Variants in SYT16 observed in about 807,000 individuals in gnomAD.
SYT16 encodes the protein synaptotagmin 16.
A neutral mutation model predicts 61.4 loss-of-function variants in SYT16; 42 were observed. The observed-to-expected ratio is 0.68, with a 90% CI of 0.53 to 0.89. The LOEUF (loss-of-function observed/expected upper bound fraction) is 0.89, where lower values mean the gene tolerates loss of function less well. Among genes scored for constraint, SYT16 ranks in the 40% least tolerant of loss-of-function variants. SYT16 has a pLI of 0.00. For missense variants in SYT16, 804 were observed against 807.3 expected, an observed-to-expected ratio of 1.00 and a Z score of 0.05; for synonymous variants, 314 against 302.3, an observed-to-expected ratio of 1.04 and a Z score of -0.40.
intron 1 of SYT16, among the ~76,000 whole-genome samples, chr14:61,912,293 G>C (rs1239558846): frequency 6.6e-6 from 1 of 152,182 alleles, no homozygotes; most frequent in Non-Finnish European, 1.5e-5. Flanking sequence ...AAAATCAGAG[G>C]ATAGGATAGG....
intron 2 of SYT16, among the ~76,000 whole-genome samples, chr14:61,980,019 C>A (rs1595071599): frequency 6.6e-6 from 1 of 152,198 alleles, no homozygotes; most frequent in East Asian, 1.9e-4. Context: ...ATATCTTCTA[C>A]ATTCCCCAAG....
At chr14:62,056,899 A>G (rs2055583293) in intron 3 of SYT16, among the ~76,000 whole-genome samples, 1 of 152,168 alleles carries the variant, frequency 6.6e-6, no homozygotes, top group Non-Finnish European at 1.5e-5. Context: ...CGCGGCGCCC[A>G]AGGGTCAGCG....
intron 2 of SYT16, among the ~76,000 whole-genome samples, chr14:61,992,327 C>G (rs2052584783): frequency 6.6e-6 from 1 of 152,110 alleles, no homozygotes; most frequent in Admixed American, 6.6e-5. Context: ...GAGACTGGCA[C>G]ATAGGACTTT....
At position 61,866,621 on chromosome 14, in the gene SYT16, CTTA is replaced by C. The variant is rs138095687; in HGVS notation, c.-325+53817_-325+53819del. On this transcript the variant is annotated intron_variant, in intron 1 of 7. Coordinates refer to ENST00000683842, the MANE Select transcript of SYT16 (RefSeq NM_001367656.1). ...TTGTTCATTTAAAAATTATGTTTGT[CTTA>C]TTATTGCATTATGAGGGTTCTTTAG... Among the ~76,000 whole-genome samples the C allele has an allele frequency of 5.4e-3, 818 of 151,958 alleles. 3 individuals are homozygous for C. Among genetic ancestry groups the C allele is most frequent in the Non-Finnish European group, 9.1e-3 (619 of 67,876 alleles).
intron 1 of SYT16, among the ~76,000 whole-genome samples, chr14:61,932,385 A>C (rs1014766688): frequency 6.6e-6 from 1 of 152,198 alleles, no homozygotes; most frequent in Non-Finnish European, 1.5e-5. Flanking sequence ...AAAGAGGTTT[A>C]ATTTCCCACA....
intron 3 of SYT16, among the ~76,000 whole-genome samples, chr14:62,063,405 T>C (rs1017657151): frequency 6.6e-6 from 1 of 152,232 alleles, no homozygotes; most frequent in African/African-American, 2.4e-5. Context: ...GCCAGACATA[T>C]GCTAAGGCCT....
chr14:61,900,378 G>A (rs765235426), intron 1 of SYT16, among the ~76,000 whole-genome samples: 10 of 152,044 alleles, frequency 6.6e-5, no homozygotes, highest in Non-Finnish European at 1.5e-4. Flanking sequence ...GGCTGGTCTC[G>A]AACTCCTGAC....
chr14:61,912,286 A>C (rs1185332299), intron 1 of SYT16, among the ~76,000 whole-genome samples: 1 of 152,226 alleles, frequency 6.6e-6, no homozygotes. Flanking sequence ...TCTTTAAAAA[A>C]TCAGAGGATA....
chr14:62,081,092 G>A lies in SYT16; in HGVS notation c.1252G>A (p.Val418Ile), dbSNP rs1663762941. 5 of 1,613,840 alleles carry A rather than the reference G, an allele frequency of 3.1e-6. No homozygotes were observed. The highest frequency in any genetic ancestry group is 2.2e-5 in the South Asian group (2 of 91,022). Residue 418 changes from valine (V) to isoleucine (I), a missense_variant, in exon 6 of 8, where the codon GTC (valine) becomes ATC (isoleucine). Transcript: ENST00000683842. ...GCCCAACCCCGTCTTCAGGGAGAAG[G>A]TCACCTTTGCCAAGCTGGAGCCCAG... Reference protein sequence around the residue: ...RGPNPVFREKVTFAKLEPRDV... With the variant: ...RGPNPVFREKITFAKLEPRDV...
chr14:62,020,641 G>A lies in SYT16; in HGVS notation c.523+24099G>A, dbSNP rs531061320. Among the ~76,000 whole-genome samples, 11 of 152,344 alleles carry A rather than the reference G, an allele frequency of 7.2e-5. No individual in the cohort carries two copies. The South Asian group carries it at 2.3e-3, about 32-fold the overall frequency. On this transcript the variant is annotated intron_variant, in intron 3 of 7. Coordinates refer to ENST00000683842, the MANE Select transcript of SYT16 (RefSeq NM_001367656.1). ...TCCAATTCGTTTTCACCAGCCAGCA[G>A]TGGGCTCTTTCCACCTGGTTCTGAC... is the stretch of plus-strand genomic sequence containing the variant.
rs139777078 is a variant in SYT16, at chr14:62,082,131, C to T, written c.1434+857C>T. Among the ~76,000 whole-genome samples, 712 of 152,146 alleles carry T rather than the reference C, an allele frequency of 4.7e-3. 6 individuals carry two copies. Among genetic ancestry groups the T allele is most frequent in the African/African-American group, 0.016 (669 of 41,510 alleles). The stretch of plus-strand genomic sequence containing the variant: ...AACTCAAAGCATCGAGAGAGCGAGG[C>T]TGGTGCTGTGAGGAGGATGAGAGTT... On this transcript the variant is annotated intron_variant, in intron 6 of 7. Coordinates refer to ENST00000683842, the MANE Select transcript of SYT16 (RefSeq NM_001367656.1).
chr14:62,051,768 G>A (rs1182521050), intron 3 of SYT16, among the ~76,000 whole-genome samples: 1 of 152,176 alleles, frequency 6.6e-6, no homozygotes, highest in Admixed American at 6.5e-5. Context: ...GCTGGGCATG[G>A]TGGCTGTATT....
chr14:62,013,406 G>C (rs1393751212), intron 3 of SYT16, among the ~76,000 whole-genome samples: 1 of 152,112 alleles, frequency 6.6e-6, no homozygotes, highest in African/African-American at 2.4e-5. Flanking sequence ...AAAAATTCCT[G>C]GGCATTATGG....
intron 1 of SYT16, among the ~76,000 whole-genome samples, chr14:61,906,154 T>C (rs777484754): frequency 6.6e-6 from 1 of 152,114 alleles, no homozygotes; most frequent in Non-Finnish European, 1.5e-5. Flanking sequence ...TTTAAAACAG[T>C]AGGTTTTGAT....
chr14:61,857,115 G>T (rs904667531), intron 1 of SYT16, among the ~76,000 whole-genome samples: 4 of 151,954 alleles, frequency 2.6e-5, no homozygotes, highest in Non-Finnish European at 4.4e-5. Flanking sequence ...AGCCAATAAA[G>T]GGTGTGTTAT....
intron 1 of SYT16, among the ~76,000 whole-genome samples, chr14:61,902,080 A>G (rs1414377948): frequency 6.6e-6 from 1 of 152,134 alleles, no homozygotes; most frequent in Non-Finnish European, 1.5e-5. Context: ...AATTATTGAA[A>G]GGTCTCCTAT....
intron 1 of SYT16, among the ~76,000 whole-genome samples, chr14:61,851,477 A>T (rs896197245): frequency 6.6e-6 from 1 of 152,180 alleles, no homozygotes; most frequent in Non-Finnish European, 1.5e-5. Flanking sequence ...GTCTTTGAGG[A>T]ATCACCACAC....
chr14:61,821,955 G>C (rs1043104007), intron 1 of SYT16, among the ~76,000 whole-genome samples: 1 of 152,214 alleles, frequency 6.6e-6, no homozygotes, highest in Non-Finnish European at 1.5e-5. Context: ...CAGAGGGACA[G>C]AGCCAATAGG....
At chr14:62,011,838 G>T (rs1021254293) in intron 3 of SYT16, among the ~76,000 whole-genome samples, 1 of 142,642 alleles carries the variant, frequency 7.0e-6, no homozygotes, top group Non-Finnish European at 1.5e-5. Flanking sequence ...AGTGCTTATG[G>T]ACACATGTCT....
Sources: gnomAD v4.1 joint callset for allele counts (sites outside exome capture counted in the v4.1 genomes callset) on GRCh38, gnomAD v4.1.1 for gene constraint, MANE v1.5 for transcripts, NCBI Gene and HGNC (gene_info 2026-07-23, HGNC 2026-07-21) for gene names.